The following PMS1 variants were observed in gnomAD, a reference collection of about 807,000 sequenced individuals.
PMS1 encodes the protein PMS1 protein homolog 1.
PMS1 carries 79 observed loss-of-function variants against 93.1 expected under a neutral mutation model. The ratio of observed to expected loss-of-function variants is 0.85; its 90% confidence interval spans 0.71 to 1.02. The LOEUF is 1.02. Among genes scored for constraint, PMS1 ranks in the 50% least tolerant of loss-of-function variants. The pLI, the probability that PMS1 is intolerant of heterozygous loss-of-function variation, is 0.00. For missense variants in PMS1, 1,064 were observed against 1,085.3 expected, an observed-to-expected ratio of 0.98 and a Z score of 0.28; for synonymous variants, 335 against 363.4, an observed-to-expected ratio of 0.92 and a Z score of 0.89.
At chr2:189,873,101 A>G (rs5743184) in intron 11 of PMS1, among the ~76,000 whole-genome samples, 247 of 152,340 alleles carry the variant, frequency 1.6e-3, no homozygotes, top group African/African-American at 5.9e-3. Context: ...AATCACAGAA[A>G]TAATTCAGGC....
At position 189,795,961 on chromosome 2, in the gene PMS1, TTA is replaced by T. The variant is rs751896445; in HGVS notation, c.315+14_315+15del. ...TTGTTGTATAGCTGAGGTAAGGTAA[TTA>T]TATTGGTTATTTTAGTGATTTCATA... On this transcript the variant is annotated intron_variant, in intron 3 of 12. Coordinates refer to ENST00000441310, the MANE Select transcript of PMS1 (RefSeq NM_000534.5). The T allele has an allele frequency of 6.4e-7, 1 of 1,556,874 alleles. No homozygotes were observed. The highest frequency in any genetic ancestry group is 2.2e-5 in the East Asian group (1 of 44,644).
chr2:189,834,794 A>T (rs960239876), intron 5 of PMS1, among the ~76,000 whole-genome samples: 1 of 152,028 alleles, frequency 6.6e-6, no homozygotes, highest in African/African-American at 2.4e-5. Flanking sequence ...CAGAGGCATG[A>T]TCATAGCTCA....
chr2:189,822,140 G>A (rs748642071), intron 5 of PMS1, among the ~76,000 whole-genome samples: 1 of 152,194 alleles, frequency 6.6e-6, no homozygotes, highest in Non-Finnish European at 1.5e-5. Flanking sequence ...CATGTGGGCC[G>A]CGGTTGCCGA....
At chr2:189,833,355 C>T (rs549515188) in intron 5 of PMS1, among the ~76,000 whole-genome samples, 102 of 152,094 alleles carry the variant, frequency 6.7e-4, no homozygotes, top group African/African-American at 2.1e-3. Flanking sequence ...TTTGTGAGGC[C>T]GAGGCAGGTG....
chr2:189,811,133 T>C lies in PMS1; in HGVS notation c.418+5379T>C, dbSNP rs540375825. Among the ~76,000 whole-genome samples the C allele has an allele frequency of 3.6e-4, 54 of 151,804 alleles. 1 individual carries two copies. In the South Asian group the frequency reaches 7.5e-3, roughly 21 times the overall value. ...ATGAAGAATTAATTGGTTGGACTTA[T>C]TGGAGTCAGGTCAGTAAAAATAATA... On this transcript the variant is annotated intron_variant, in intron 4 of 12. Coordinates refer to ENST00000441310, the MANE Select transcript of PMS1 (RefSeq NM_000534.5).
intron 12 of PMS1, 113 bp downstream of exon 12, chr2:189,873,769 A>G: frequency 7.1e-6 from 5 of 703,956 alleles, no homozygotes; most frequent in Non-Finnish European, 5.1e-6. Flanking sequence ...AGCGGGCATC[A>G]CCACCTGAGC....
chr2:189,802,047 C>T (rs999122733), intron 3 of PMS1, among the ~76,000 whole-genome samples: 8 of 152,248 alleles, frequency 5.3e-5, no homozygotes, highest in Non-Finnish European at 1.0e-4. Flanking sequence ...TTTTTTCTCT[C>T]GTTTTTCCCT....
intron 1 of PMS1, among the ~76,000 whole-genome samples, chr2:189,786,599 A>ATATT (rs1379438659): frequency 6.6e-6 from 1 of 152,180 alleles, no homozygotes; most frequent in Non-Finnish European, 1.5e-5. Flanking sequence ...GCCACTTAAT[A>ATATT]GTTTTGTGAT....
Position 189,828,887 on chromosome 2 carries a change from G to GAAA in PMS1, c.582+10722_582+10724dup, listed in dbSNP as rs35103661. ...AGAAAGCAGCTCAAAGTGTGTCTCT[G>GAAA]AAAAAAAAAAAAAAAAAGAGGACGT... is the stretch of plus-strand genomic sequence containing the variant. On this transcript the variant is annotated intron_variant, in intron 5 of 12. Coordinates refer to ENST00000441310, the MANE Select transcript of PMS1 (RefSeq NM_000534.5). Among the ~76,000 whole-genome samples, 182 of 117,834 alleles carry GAAA rather than the reference G, an allele frequency of 1.5e-3. 3 individuals are homozygous for GAAA. Among genetic ancestry groups the GAAA allele is most frequent in the African/African-American group, 4.5e-3 (154 of 34,314 alleles). The allele number at this position is 117,834 out of a possible 152,430, so 77.3% of individuals were successfully genotyped here. A position where few individuals can be genotyped will look rare whatever the true frequency, so the allele number is the denominator to read the frequency against.
intron 4 of PMS1, chr2:189,806,078 G>A: frequency 1.8e-6 from 1 of 555,730 alleles, no homozygotes; most frequent in Non-Finnish European, 2.9e-6. Context: ...AAATTTTATT[G>A]AAACATATAA....
intron 1 of PMS1, among the ~76,000 whole-genome samples, chr2:189,788,883 G>C (rs544957383): frequency 6.6e-6 from 1 of 152,280 alleles, no homozygotes; most frequent in South Asian, 2.1e-4. Context: ...CTGTCCCTTA[G>C]ATCGAGGTAA....
chr2:189,823,209 G>GT (rs890921949), intron 5 of PMS1, among the ~76,000 whole-genome samples: 4 of 151,630 alleles, frequency 2.6e-5, no homozygotes, highest in Admixed American at 1.3e-4. Context: ...ACAGATTTGG[G>GT]TTTTTTTGTT....
chr2:189,860,660 A>G (rs1371538362), intron 9 of PMS1, among the ~76,000 whole-genome samples: 1 of 152,102 alleles, frequency 6.6e-6, no homozygotes, highest in African/African-American at 2.4e-5. Flanking sequence ...AAAGCCCAGT[A>G]TATGTTCTGT....
At position 189,791,756 on chromosome 2, in the gene PMS1, A is replaced by G; in HGVS notation, c.-20-34A>G. The G allele has an allele frequency of 1.9e-6, 3 of 1,557,674 alleles. No individual in the cohort carries two copies. The South Asian group carries it at 3.3e-5, about 17-fold the overall frequency. ...TTTGTCCTGTTGGTCAGGAATGCTT[A>G]ACAATTCTTACAAGTTGCATTTTTA... On this transcript the variant is annotated intron_variant, in intron 1 of 12. Coordinates refer to ENST00000441310, the MANE Select transcript of PMS1 (RefSeq NM_000534.5).
intron 3 of PMS1, among the ~76,000 whole-genome samples, chr2:189,800,162 T>G (rs2049761585): frequency 6.6e-6 from 1 of 152,252 alleles, no homozygotes; most frequent in African/African-American, 2.4e-5. Context: ...AATATGAAAT[T>G]TGTAACCTAT....
intron 6 of PMS1, among the ~76,000 whole-genome samples, chr2:189,848,033 A>G (rs1383925040): frequency 6.6e-6 from 1 of 152,042 alleles, no homozygotes; most frequent in African/African-American, 2.4e-5. Flanking sequence ...CATGGGTCCT[A>G]TTTTTCAGAG....
intron 6 of PMS1, among the ~76,000 whole-genome samples, chr2:189,844,792 C>G (rs2054119255): frequency 6.6e-6 from 1 of 151,520 alleles, no homozygotes; most frequent in African/African-American, 2.4e-5. Context: ...CTTCTTACTC[C>G]TTCCTCTTTC....
At chr2:189,844,151 G>A (rs1559289716) in intron 6 of PMS1, 71 bp downstream of exon 6, 4 of 1,604,160 alleles carry the variant, frequency 2.5e-6, no homozygotes, top group Admixed American at 1.7e-5. Context: ...CCCTTTGGGG[G>A]AGTTACAGTG....
intron 5 of PMS1, among the ~76,000 whole-genome samples, chr2:189,824,880 A>G (rs1325085816): frequency 6.6e-6 from 1 of 152,124 alleles, no homozygotes; most frequent in East Asian, 1.9e-4. Context: ...ATGACATGTT[A>G]CTATAAATCT....
Sources: allele counts gnomAD v4.1 joint callset (sites outside exome capture counted in the v4.1 genomes callset), GRCh38; gene constraint gnomAD v4.1.1; transcripts MANE v1.5; gene names NCBI Gene and HGNC (gene_info 2026-07-23, HGNC 2026-07-21).